Variants in GFI1B observed in about 807,000 individuals in gnomAD.
GFI1B encodes growth factor independent 1B transcriptional repressor.
Under a neutral mutation model 35.3 loss-of-function variants are expected in GFI1B, and 20 were observed. That is an observed-to-expected ratio of 0.57 (90% CI 0.40 to 0.82). The LOEUF is 0.82. Among genes scored for constraint, GFI1B ranks in the 40% least tolerant of loss-of-function variants. The pLI, the probability that GFI1B is intolerant of heterozygous loss-of-function variation, is 0.00. For synonymous variants in GFI1B, 178 were observed against 177.6 expected (o/e 1.00, Z -0.02); for missense variants, 430 against 446.3 (o/e 0.96, Z 0.33).
intron 1 of GFI1B, among the ~76,000 whole-genome samples, chr9:132,965,621 G>A (rs1848440111): frequency 6.6e-6 from 1 of 152,240 alleles, no homozygotes; most frequent in East Asian, 1.9e-4. Context: ...CATAGACACG[G>A]AGTGGGAGGC....
intron 1 of GFI1B, among the ~76,000 whole-genome samples, chr9:132,970,842 A>T (rs1848523180): frequency 6.6e-6 from 1 of 152,132 alleles, no homozygotes; most frequent in Non-Finnish European, 1.5e-5. Context: ...CCAATGCGGA[A>T]GTCATCAAGA....
chr9:132,959,576 AT>A (rs920453483), intron 1 of GFI1B, among the ~76,000 whole-genome samples: 5 of 152,348 alleles, frequency 3.3e-5, no homozygotes, highest in African/African-American at 1.2e-4. Flanking sequence ...TGCTATATTC[AT>A]TTCCCAGGGC....
intron 1 of GFI1B, among the ~76,000 whole-genome samples, chr9:132,971,140 G>T (rs1307822675): frequency 6.6e-6 from 1 of 152,192 alleles, no homozygotes; most frequent in Non-Finnish European, 1.5e-5. Context: ...CTGGGATTAT[G>T]GGTGTGAGCC....
chr9:132,974,953 A>G (rs1489583219), upstream of GFI1B: 1 of 152,122 alleles, frequency 6.6e-6, no homozygotes, highest in African/African-American at 2.4e-5. Context: ...TTTCATTGTT[A>G]TTATTAAATG....
At chr9:132,960,636 A>G (rs116492041) in intron 1 of GFI1B, among the ~76,000 whole-genome samples, 1,943 of 151,962 alleles carry the variant, frequency 0.013, 47 homozygotes, top group African/African-American at 0.044. Context: ...AGCTGGGAAT[A>G]TGGGCATGTA....
intron 1 of GFI1B, chr9:132,962,685 G>A: frequency 4.3e-6 from 2 of 468,628 alleles, no homozygotes; most frequent in South Asian, 3.3e-5. Flanking sequence ...CACATGAGAT[G>A]ACACACATAT....
At chr9:132,967,425 A>G (rs1471803309) in intron 1 of GFI1B, among the ~76,000 whole-genome samples, 2 of 152,172 alleles carry the variant, frequency 1.3e-5, no homozygotes, top group East Asian at 3.9e-4. Flanking sequence ...AGGGGGAAAA[A>G]ATCATTACGA....
intron 1 of GFI1B, among the ~76,000 whole-genome samples, chr9:132,979,264 T>A (rs1167388922): frequency 2.7e-5 from 4 of 146,350 alleles, no homozygotes; most frequent in Admixed American, 1.4e-4. Context: ...TTTTTTTTTT[T>A]TTTTTTTTTT....
rs1848540252 is a variant in GFI1B at position 132,972,015 on chromosome 9, C to CT, written c.-700-709dup. 2.6e-5 allele frequency among the ~76,000 whole-genome samples: 4 copies of CT among 151,438 alleles called. No homozygotes were observed. In the South Asian group the frequency reaches 8.4e-4, roughly 32 times the overall value. On this transcript the variant is annotated intron_variant, in intron 1 of 10. Coordinates refer to the GFI1B transcript ENST00000339463. ...TTGGGTTGGGTGTGGTGGCTCACGC[C>CT]TGTAATCCCAGCACTTTGGGAGGCC...
At chr9:132,988,713 C>T (rs1849173367) in intron 4 of GFI1B, among the ~76,000 whole-genome samples, 1 of 152,196 alleles carries the variant, frequency 6.6e-6, no homozygotes, top group African/African-American at 2.4e-5. Context: ...GGTTAAGTCA[C>T]TTTTCCAGGA....
At chr9:132,959,254 C>A (rs1417496582) in intron 1 of GFI1B, among the ~76,000 whole-genome samples, 2 of 152,122 alleles carry the variant, frequency 1.3e-5, no homozygotes, top group Admixed American at 1.3e-4. Flanking sequence ...CGAGTGAGTT[C>A]TCACGAGACC....
intron 1 of GFI1B, among the ~76,000 whole-genome samples, chr9:132,970,832 C>A (rs1325391217): frequency 6.6e-6 from 1 of 152,068 alleles, no homozygotes; most frequent in East Asian, 1.9e-4. Flanking sequence ...AGGGAGAACA[C>A]CAATGCGGAA....
intron 1 of GFI1B, among the ~76,000 whole-genome samples, chr9:132,955,044 G>A (rs1157171345): frequency 2.2e-4 from 34 of 152,078 alleles, no homozygotes; most frequent in Non-Finnish European, 1.5e-5. Flanking sequence ...ACAAAAAACT[G>A]AGAAAAAATA....
chr9:132,980,213 G>C (rs147822079), intron 1 of GFI1B, among the ~76,000 whole-genome samples: 1 of 152,180 alleles, frequency 6.6e-6, no homozygotes, highest in Non-Finnish European at 1.5e-5. Context: ...AGCTTTCAGC[G>C]GGGCAGGGTA....
chr9:132,973,084 G>A (rs1457577302), intron 2 of GFI1B, among the ~76,000 whole-genome samples: 2 of 152,238 alleles, frequency 1.3e-5, no homozygotes, highest in African/African-American at 2.4e-5. Context: ...TGCCCAGCCG[G>A]CTCTCTGGGA....
intron 1 of GFI1B, among the ~76,000 whole-genome samples, chr9:132,985,115 T>G (rs979193713): frequency 1.3e-5 from 2 of 152,076 alleles, no homozygotes; most frequent in Non-Finnish European, 2.9e-5. Flanking sequence ...GGGCCTGGTG[T>G]CGGCCTGGGT....
chr9:132,981,589 G>A (rs1054221678), intron 1 of GFI1B, among the ~76,000 whole-genome samples: 2 of 152,006 alleles, frequency 1.3e-5, no homozygotes, highest in African/African-American at 4.8e-5. Context: ...AGTGGGCCAA[G>A]ATCAAACCAC....
In GFI1B at chr9:132,989,669, T is replaced by A; in HGVS notation, c.649-73T>A. On this transcript the variant is annotated intron_variant, in intron 5 of 6. Coordinates refer to ENST00000372122, the MANE Select transcript of GFI1B (RefSeq NM_001377304.1). This position sits in a 1 kb window ranked among gnomAD's most constrained non-coding sequence, Gnocchi z 6.2. ...AGGCCGCCCCAATGGAGTGTCCTGT[T>A]CCGCAGGGGATCCCGGCCGGGTCCA... The A allele has an allele frequency of 7.7e-7, 1 of 1,291,902 alleles. No individual in the cohort carries two copies. Among genetic ancestry groups the A allele is most frequent in the Non-Finnish European group, 1.1e-6 (1 of 903,306 alleles). The allele number at this position is 1,291,902 out of a possible 1,614,324, so 80.0% of individuals were successfully genotyped here.
At chr9:132,967,800 C>T (rs1447072707) in intron 1 of GFI1B, among the ~76,000 whole-genome samples, 1 of 151,724 alleles carries the variant, frequency 6.6e-6, no homozygotes, top group African/African-American at 2.4e-5. Context: ...CTTTTTTTCT[C>T]AGATGGACTC....
Sources: allele counts gnomAD v4.1 joint callset (sites outside exome capture counted in the v4.1 genomes callset), GRCh38; gene constraint gnomAD v4.1.1; non-coding constraint Gnocchi (gnomAD v3.1); transcripts MANE v1.5; gene names NCBI Gene and HGNC (gene_info 2026-07-23, HGNC 2026-07-21).